RAD51B: variants seen among roughly 807,000 people sequenced by gnomAD.
RAD51B encodes the protein DNA repair protein RAD51 homolog 2.
In RAD51B, 38 loss-of-function variants were observed where a neutral mutation model predicts 42.2. The ratio of observed to expected loss-of-function variants is 0.90; its 90% CI spans 0.70 to 1.18. The LOEUF (loss-of-function observed/expected upper bound fraction) is 1.18. RAD51B is among the 50% of genes most tolerant of loss of function. The probability of loss-of-function intolerance (pLI) is 0.00; values close to 1 mark genes in which losing one functional copy is unlikely to be tolerated. For synonymous variants in RAD51B, 154 were observed against 145.2 expected, an observed-to-expected ratio of 1.06 and a Z score of -0.43; for missense variants, 373 against 400.7, an observed-to-expected ratio of 0.93 and a Z score of 0.59.
At chr14:67,888,914 A>G (rs1420152024) in intron 7 of RAD51B, among the ~76,000 whole-genome samples, 2 of 152,158 alleles carry the variant, frequency 1.3e-5, no homozygotes, top group Non-Finnish European at 2.9e-5. Context: ...ATTAATTCAT[A>G]CTGTTGCTTG....
intron 9 of RAD51B, among the ~76,000 whole-genome samples, chr14:68,460,461 C>A (rs1190854551): frequency 2.0e-5 from 3 of 151,686 alleles, no homozygotes; most frequent in Non-Finnish European, 4.4e-5. Context: ...CTCAAAAAAA[C>A]AAACAAACAA....
intron 7 of RAD51B, among the ~76,000 whole-genome samples, chr14:68,132,246 G>C (rs2077907861): frequency 6.6e-6 from 1 of 152,154 alleles, no homozygotes; most frequent in African/African-American, 2.4e-5. Context: ...GTGGGGTAGA[G>C]GTAATTTTCC....
intron 7 of RAD51B, among the ~76,000 whole-genome samples, chr14:68,117,184 G>A (rs902913889): frequency 6.6e-6 from 1 of 152,062 alleles, no homozygotes. Flanking sequence ...TGATCATGGT[G>A]CCTATTTGGG....
At chr14:68,284,643 G>A (rs1471000555) in intron 7 of RAD51B, among the ~76,000 whole-genome samples, 1 of 152,168 alleles carries the variant, frequency 6.6e-6, no homozygotes, top group African/African-American at 2.4e-5. Context: ...CAATTGTTGT[G>A]CAGTCCTTCA....
At position 68,284,211 on chromosome 14, in the gene RAD51B, A is replaced by G. The variant is rs149345441; in HGVS notation, c.757-7673A>G. On this transcript the variant is annotated intron_variant, in intron 7 of 10. Coordinates refer to ENST00000471583, the MANE Select transcript of RAD51B (RefSeq NM_133510.4). ...ACTTATTAAGATTGGAAGCATTCTC[A>G]CCATAAACACAAATTATTTCAAGTT... Among the ~76,000 whole-genome samples, 906 of 152,310 alleles carry G rather than the reference A, an allele frequency of 5.9e-3. 5 individuals are homozygous for G. Among genetic ancestry groups the G allele is most frequent in the African/African-American group, 0.018 (769 of 41,568 alleles).
At chr14:68,061,766 G>T (rs1005193266) in intron 7 of RAD51B, among the ~76,000 whole-genome samples, 2 of 152,094 alleles carry the variant, frequency 1.3e-5, no homozygotes, top group African/African-American at 4.8e-5. Context: ...ACTTTACTGA[G>T]TTTGTCTATT....
chr14:68,101,628 A>G (rs758211921), intron 7 of RAD51B, among the ~76,000 whole-genome samples: 3 of 152,226 alleles, frequency 2.0e-5, no homozygotes, highest in African/African-American at 4.8e-5. Flanking sequence ...GTGGGCTTCC[A>G]TGGCCTTGGG....
At chr14:67,846,492 G>A (rs10135927) in intron 4 of RAD51B, among the ~76,000 whole-genome samples, 45,435 of 152,020 alleles carry the variant, frequency 0.3, 7,219 homozygotes, top group Middle Eastern at 0.43. Flanking sequence ...AGGTGGGGGC[G>A]TGGCCGAGTG....
At chr14:68,172,850 T>G (rs1181150375) in intron 7 of RAD51B, among the ~76,000 whole-genome samples, 1 of 152,188 alleles carries the variant, frequency 6.6e-6, no homozygotes, top group Non-Finnish European at 1.5e-5. Context: ...TGGCCTCCCT[T>G]CCCAGTAGTT....
chr14:67,879,083 G>A (rs1282191171), intron 5 of RAD51B, among the ~76,000 whole-genome samples: 1 of 152,208 alleles, frequency 6.6e-6, no homozygotes, highest in African/African-American at 2.4e-5. Context: ...CATATATTAA[G>A]AGAGTTATTG....
Position 68,411,410 on chromosome 14 carries a change from C to T in RAD51B, c.854-14C>T, listed in dbSNP as rs1482201413. The T allele has an allele frequency of 1.2e-6, 2 of 1,611,440 alleles. No individual in the cohort carries two copies. Among genetic ancestry groups the T allele is most frequent in the Admixed American group, 1.7e-5 (1 of 59,984 alleles). ...AAGGGCATCTGAAAGCGTGCTTTTACCATTTCATTTCAGGCACTTCTGGAT... is the reference window on the plus strand; with the variant it reads ...AAGGGCATCTGAAAGCGTGCTTTTATCATTTCATTTCAGGCACTTCTGGAT... On this transcript the variant is annotated splice_polypyrimidine_tract_variant and intron_variant, in intron 8 of 10. Coordinates refer to ENST00000471583, the MANE Select transcript of RAD51B (RefSeq NM_133510.4).
chr14:68,466,115 A>G (rs1415565741), intron 9 of RAD51B, among the ~76,000 whole-genome samples: 1 of 152,180 alleles, frequency 6.6e-6, no homozygotes, highest in Admixed American at 6.5e-5. Flanking sequence ...ATTGGTTCTG[A>G]GAATGATGAA....
intron 7 of RAD51B, among the ~76,000 whole-genome samples, chr14:68,188,535 A>G (rs1025450681): frequency 6.6e-6 from 1 of 152,138 alleles, no homozygotes; most frequent in Non-Finnish European, 1.5e-5. Flanking sequence ...CTACTTTTGT[A>G]TTAGCCAATC....
intron 10 of RAD51B, among the ~76,000 whole-genome samples, chr14:68,538,430 G>A (rs1018025603): frequency 6.6e-6 from 1 of 152,226 alleles, no homozygotes; most frequent in Non-Finnish European, 1.5e-5. Context: ...ACACCTGGCT[G>A]CCAGGTCTTT....
rs1176319753 is a variant in RAD51B, at chr14:67,953,199, A to G, written c.756+65995A>G. Among the ~76,000 whole-genome samples, 3 of 152,266 alleles carry G rather than the reference A, an allele frequency of 2.0e-5. No homozygotes were observed. The East Asian group carries it at 5.8e-4, about 29-fold the overall frequency. ...CTTTTATTAACATAAGTGCTTCATG[A>G]AGGAAGTAGATGTGAACTGGACATT... is the stretch of plus-strand genomic sequence containing the variant. On this transcript the variant is annotated intron_variant, in intron 7 of 10. Transcript: ENST00000471583.
intron 7 of RAD51B, among the ~76,000 whole-genome samples, chr14:68,033,980 A>C (rs1003432749): frequency 5.3e-5 from 8 of 152,168 alleles, no homozygotes; most frequent in Admixed American, 4.6e-4. Flanking sequence ...TTCCTAAGAA[A>C]GTAGTCTTTT....
chr14:68,344,792 A>G (rs1487933160), intron 8 of RAD51B, among the ~76,000 whole-genome samples: 1 of 150,458 alleles, frequency 6.6e-6, no homozygotes, highest in Non-Finnish European at 1.5e-5. Flanking sequence ...CTAAAAATAC[A>G]AAAAACTAGC....
chr14:68,418,830 T>C (rs2084625298), intron 9 of RAD51B, among the ~76,000 whole-genome samples: 1 of 152,174 alleles, frequency 6.6e-6, no homozygotes, highest in Non-Finnish European at 1.5e-5. Flanking sequence ...GGCAACCTCA[T>C]TGGCTAGGGA....
intron 11 of RAD51B, among the ~76,000 whole-genome samples, chr14:68,667,883 T>C (rs1212813061): frequency 1.3e-5 from 2 of 152,196 alleles, no homozygotes; most frequent in African/African-American, 4.8e-5. Flanking sequence ...AAACTAAGGA[T>C]GTATCCACAG....
Sources: gnomAD v4.1 joint callset for allele counts (sites outside exome capture counted in the v4.1 genomes callset) on GRCh38, gnomAD v4.1.1 for gene constraint, MANE v1.5 for transcripts, NCBI Gene and HGNC (gene_info 2026-07-23, HGNC 2026-07-21) for gene names.